Variants in MORN1 observed in about 807,000 individuals in gnomAD.
The protein encoded by MORN1 is MORN repeat containing 1, also known as MORN repeat-containing protein 1.
A neutral mutation model predicts 61.9 loss-of-function variants in MORN1; 67 were observed. That is an observed-to-expected ratio of 1.08 (90% confidence interval 0.89 to 1.33). MORN1 has a LOEUF of 1.33. MORN1 is among the 40% of genes most tolerant of loss of function. The probability of loss-of-function intolerance (pLI) is 0.00; values close to 1 mark genes in which losing one functional copy is unlikely to be tolerated. For missense variants in MORN1, 752 were observed against 691.2 expected (o/e 1.09, Z -0.99); for synonymous variants, 301 against 292.0 (o/e 1.03, Z -0.31).
chr1:2,390,997 C>A (rs899479740), intron 1 of MORN1, among the ~76,000 whole-genome samples: 6 of 152,310 alleles, frequency 3.9e-5, no homozygotes, highest in Middle Eastern at 3.4e-3. Context: ...CCACCCGCCT[C>A]GGCCTCCCAA....
chr1:2,342,810 T>A (rs1481869871), intron 10 of MORN1, among the ~76,000 whole-genome samples: 1 of 151,966 alleles, frequency 6.6e-6, no homozygotes, highest in Non-Finnish European at 1.5e-5. Flanking sequence ...TGGCCTTTCC[T>A]TTGCCTTTTT....
At chr1:2,323,494 G>A (rs568356678) in intron 13 of MORN1, 55 of 985,400 alleles carry the variant, frequency 5.6e-5, no homozygotes, top group East Asian at 2.3e-4. Flanking sequence ...CTAGGGGTCC[G>A]AGCCTTTGTG....
chr1:2,389,170 C>A (rs1365515903), intron 2 of MORN1, among the ~76,000 whole-genome samples: 1 of 151,644 alleles, frequency 6.6e-6, no homozygotes, highest in African/African-American at 2.4e-5. Flanking sequence ...TACAAAACTG[C>A]GTGAGAGGAG....
In MORN1 at chr1:2,372,314, C is replaced by T. The variant is rs1435926497; in HGVS notation, c.745+167G>A. ...ACACACCCAAGGCTGCCCTGACTGG[C>T]AGGGAAGCTGGCACACCTGCGACCT... is the stretch of plus-strand genomic sequence containing the variant. On this transcript the variant is annotated intron_variant, in intron 8 of 13. Transcript: ENST00000378531. The surrounding 1 kb of genome is among the most constrained non-coding windows in gnomAD (Gnocchi z 5.4). 6.7e-6 allele frequency: 4 copies of T among 595,056 alleles called. No individual in the cohort carries two copies. The highest frequency in any genetic ancestry group is 9.0e-6 in the Non-Finnish European group (3 of 333,278). 36.9% of individuals were successfully genotyped at this position (595,056 alleles called of 1,614,324 possible).
At chr1:2,351,625 G>C in intron 10 of MORN1, 1 of 297,994 alleles carries the variant, frequency 3.4e-6, no homozygotes. Flanking sequence ...TGAGTGTGGC[G>C]CCCCCAGCAA....
chr1:2,338,985 G>T (rs1011016734), intron 10 of MORN1, among the ~76,000 whole-genome samples: 13 of 152,154 alleles, frequency 8.5e-5, no homozygotes, highest in African/African-American at 3.1e-4. Flanking sequence ...GAGGACAGAG[G>T]ACACCAGGGC....
chr1:2,326,951 G>A (rs566478200), intron 12 of MORN1, among the ~76,000 whole-genome samples: 7 of 152,316 alleles, frequency 4.6e-5, no homozygotes, highest in African/African-American at 1.4e-4. Context: ...GGCCTGTGTC[G>A]TCCCCACAGA....
At chr1:2,350,491 T>C (rs1442935287) in intron 10 of MORN1, 1 of 152,284 alleles carries the variant, frequency 6.6e-6, no homozygotes, top group Non-Finnish European at 1.5e-5. Context: ...CTCTCGGGTC[T>C]GGGAGGAAAG....
At chr1:2,355,840 G>C (rs1641751948) in intron 10 of MORN1, among the ~76,000 whole-genome samples, 1 of 152,218 alleles carries the variant, frequency 6.6e-6, no homozygotes, top group South Asian at 2.1e-4. Flanking sequence ...GAGCTCACAA[G>C]GCAGTGTGGC....
At position 2,388,330 on chromosome 1, in the gene MORN1, C is replaced by T. The variant is rs369055866; in HGVS notation, c.156G>A (p.Gly52=). 7 of 1,613,838 alleles carry T rather than the reference C, an allele frequency of 4.3e-6. No individual in the cohort carries two copies. Among genetic ancestry groups the T allele is most frequent in the Non-Finnish European group, 5.1e-6 (6 of 1,179,886 alleles). ...AACTGCCATCTTTAAATAACAACTT[C>T]CCGTGACCTGGCAGGAGAAATCGTC... ...EWKAGRKHGH[G]KLLFKDGSYY... is the part of the protein sequence containing the mutation. The change falls in exon 3 of 14, where the codon GGG becomes GGA. Residue 52 remains glycine (G), a synonymous_variant. Coordinates refer to ENST00000378531, the MANE Select transcript of MORN1 (RefSeq NM_024848.3).
chr1:2,339,665 C>T (rs896162176), intron 10 of MORN1, among the ~76,000 whole-genome samples: 1 of 152,298 alleles, frequency 6.6e-6, no homozygotes, highest in South Asian at 2.1e-4. Flanking sequence ...CCCACCGAGT[C>T]GCTGGCACTG....
Position 2,358,603 on chromosome 1 carries a change from G to C in MORN1, c.858C>G (p.Ile286Met), listed in dbSNP as rs371691731. The C allele has an allele frequency of 1.8e-5, 29 of 1,613,976 alleles. No individual in the cohort carries two copies. Among genetic ancestry groups the C allele is most frequent in the Non-Finnish European group, 2.4e-5 (28 of 1,179,992 alleles). The change falls in exon 9 of 14, where the codon ATC (isoleucine) becomes ATG (methionine). Residue 286 changes from isoleucine to methionine, a missense_variant. By Grantham distance (10) the Ile-to-Met change is conservative. Coordinates refer to ENST00000378531, the MANE Select transcript of MORN1 (RefSeq NM_024848.3). The stretch of plus-strand genomic sequence containing the variant: ...TCACACGTACTCACAATGGGGTCTG[G>C]ATGAGTGTCTCTTGGTTGTCTCTGT... ...KVDRDNQETL[I>M]QTPFGFECIP... is the part of the protein sequence containing the mutation.
intron 12 of MORN1, among the ~76,000 whole-genome samples, chr1:2,331,421 A>C (rs1194094119): frequency 6.6e-6 from 1 of 152,178 alleles, no homozygotes; most frequent in Non-Finnish European, 1.5e-5. Flanking sequence ...CTGCTGGGGC[A>C]GTTGGGGGTG....
chr1:2,340,307 G>A (rs1048393084), intron 10 of MORN1, among the ~76,000 whole-genome samples: 1 of 152,108 alleles, frequency 6.6e-6, no homozygotes, highest in Admixed American at 6.5e-5. Context: ...CAGCCCTGGC[G>A]GCCAGCAGCC....
At chr1:2,387,903 G>T (rs1192146268) in intron 3 of MORN1, 6 of 422,044 alleles carry the variant, frequency 1.4e-5, no homozygotes, top group Non-Finnish European at 2.6e-5. Context: ...GAGGGTCTGA[G>T]GTTCCTGGAC....
chr1:2,389,160 T>C (rs1642582497), intron 2 of MORN1, among the ~76,000 whole-genome samples: 1 of 151,136 alleles, frequency 6.6e-6, no homozygotes, highest in Non-Finnish European at 1.5e-5. Context: ...AGAGAGCAGA[T>C]ACAAAACTGC....
intron 7 of MORN1, among the ~76,000 whole-genome samples, chr1:2,373,585 TC>T (rs1557887418): frequency 6.6e-6 from 1 of 152,194 alleles, no homozygotes; most frequent in South Asian, 2.1e-4. Context: ...CAGGGGCCCC[TC>T]ACGGAGACTC....
At position 2,324,113 on chromosome 1, in the gene MORN1, A is replaced by G. The variant is rs1640944873; in HGVS notation, c.1281T>C (p.Ala427=). Reference sequence around the variant, plus strand: ...TCCACCTACCTAGGTGTGCTGCCGCAGCCTGCTCCTCCGTGGCTCTCCCCT... The same window carrying G: ...TCCACCTACCTAGGTGTGCTGCCGCGGCCTGCTCCTCCGTGGCTCTCCCCT... The part of the protein sequence containing the change: ...RPEGRATEEQ[A]AAAHLGEYVL... Residue 427 remains alanine, a synonymous_variant, in exon 13 of 14, where the codon GCT becomes GCC. Transcript: ENST00000378531. 1 of 1,600,992 alleles carries G rather than the reference A, an allele frequency of 6.2e-7. No homozygotes were observed. Among genetic ancestry groups the G allele is most frequent in the Non-Finnish European group, 8.5e-7 (1 of 1,175,168 alleles).
chr1:2,324,275 C>T, intron 12 of MORN1, 132 bp from the exon 13 acceptor site: 1 of 891,760 alleles, frequency 1.1e-6, no homozygotes. Context: ...CCTGCGAACC[C>T]CACCTCGGGG....
Sources: allele counts gnomAD v4.1 joint callset (sites outside exome capture counted in the v4.1 genomes callset), GRCh38; gene constraint gnomAD v4.1.1; non-coding constraint Gnocchi (gnomAD v3.1); transcripts MANE v1.5; gene names NCBI Gene and HGNC (gene_info 2026-07-23, HGNC 2026-07-21).